The following RNF150 variants were observed in gnomAD, a reference collection of about 807,000 sequenced individuals.
The protein encoded by RNF150 is ring finger protein 150.
A neutral mutation model predicts 39.3 loss-of-function variants in RNF150; 24 were observed. The ratio of observed to expected loss-of-function variants is 0.61; its 90% CI spans 0.44 to 0.86. The LOEUF is 0.86. RNF150 is among the 40% of genes least tolerant of loss of function. The probability of loss-of-function intolerance (pLI) is 0.00; values close to 1 mark genes in which losing one functional copy is unlikely to be tolerated. For missense variants in RNF150, 502 were observed against 587.8 expected (o/e 0.85, Z 1.51); for synonymous variants, 255 against 227.3 (o/e 1.12, Z -1.10).
chr4:140,981,399 A>G (rs1197800558), intron 1 of RNF150, among the ~76,000 whole-genome samples: 1 of 152,176 alleles, frequency 6.6e-6, no homozygotes, highest in African/African-American at 2.4e-5. Flanking sequence ...AACTTTTGGC[A>G]TGAAATAAAA....
chr4:140,906,436 A>G (rs1730377139), intron 6 of RNF150, among the ~76,000 whole-genome samples: 1 of 152,204 alleles, frequency 6.6e-6, no homozygotes. Flanking sequence ...ATATGCAAAT[A>G]TTACACCATT....
chr4:141,026,834 ATG>A (rs1282847147), intron 1 of RNF150, among the ~76,000 whole-genome samples: 5 of 152,188 alleles, frequency 3.3e-5, no homozygotes, highest in African/African-American at 9.6e-5. Context: ...ACACAGGCAA[ATG>A]TCAGACCAGA....
rs1219877863 is a variant in RNF150, at chr4:140,911,353, G to C, written c.989C>G (p.Pro330Arg). ...MNILKALGIP[P>R]NADCMDDLPT... is the part of the protein sequence containing the mutation. ...CAAGTCGTCCATGCAGTCGGCATTGGGCTGATGGGGCAGAAAAAGATCTGT... is the reference window on the plus strand; with the variant it reads ...CAAGTCGTCCATGCAGTCGGCATTGCGCTGATGGGGCAGAAAAAGATCTGT... Residue 330 changes from proline (P) to arginine (R), a missense_variant and splice_region_variant, in exon 6 of 7, where the codon CCC becomes CGC. Physicochemically the swap from Pro to Arg is moderately radical, Grantham distance 103. Transcript: ENST00000515673. The C allele has an allele frequency of 1.2e-6, 2 of 1,613,808 alleles. No homozygotes were observed. The highest frequency in any genetic ancestry group is 3.3e-5 in the Admixed American group (2 of 60,020).
chr4:140,950,353 C>A (rs1732496369), intron 2 of RNF150, among the ~76,000 whole-genome samples: 1 of 152,134 alleles, frequency 6.6e-6, no homozygotes, highest in East Asian at 1.9e-4. Flanking sequence ...AAATAGTGAA[C>A]ACATATTAGT....
At chr4:141,189,943 T>C (rs1356338645) in intron 1 of RNF150, among the ~76,000 whole-genome samples, 1 of 151,946 alleles carries the variant, frequency 6.6e-6, no homozygotes, top group East Asian at 1.9e-4. Flanking sequence ...GCCACTGGGG[T>C]ATGAAAAAAT....
At chr4:141,071,902 C>A (rs974108265) in intron 1 of RNF150, among the ~76,000 whole-genome samples, 4 of 152,060 alleles carry the variant, frequency 2.6e-5, no homozygotes, top group Non-Finnish European at 2.9e-5. Flanking sequence ...ATTTTTTATT[C>A]TTTGTGGGGG....
chr4:140,902,257 C>A (rs1302478930), intron 6 of RNF150, among the ~76,000 whole-genome samples: 1 of 151,994 alleles, frequency 6.6e-6, no homozygotes, highest in African/African-American at 2.4e-5. Flanking sequence ...CTAAGGAGGA[C>A]AATAGCATGG....
intron 6 of RNF150, among the ~76,000 whole-genome samples, chr4:140,882,452 T>A (rs1189274041): frequency 6.6e-6 from 1 of 152,196 alleles, no homozygotes; most frequent in Non-Finnish European, 1.5e-5. Flanking sequence ...ATCCAACTGA[T>A]CTATAGTGTT....
intron 1 of RNF150, among the ~76,000 whole-genome samples, chr4:141,123,757 T>C (rs1354661016): frequency 6.6e-6 from 1 of 152,168 alleles, no homozygotes; most frequent in Non-Finnish European, 1.5e-5. Flanking sequence ...TATGTCCAAG[T>C]GTTCTCATTG....
intron 1 of RNF150, among the ~76,000 whole-genome samples, chr4:141,149,133 G>A (rs1216949096): frequency 6.6e-6 from 1 of 152,094 alleles, no homozygotes; most frequent in Non-Finnish European, 1.5e-5. Flanking sequence ...TCCTTTTGTG[G>A]GGATTTCAAG....
chr4:141,021,442 T>A (rs946342710), intron 1 of RNF150, among the ~76,000 whole-genome samples: 2 of 152,210 alleles, frequency 1.3e-5, no homozygotes, highest in Non-Finnish European at 2.9e-5. Flanking sequence ...TGTTGCTATC[T>A]GCTCACAAAC....
intron 1 of RNF150, among the ~76,000 whole-genome samples, chr4:141,185,012 A>AT (rs33941568): frequency 0.57 from 86,169 of 150,886 alleles, 25,164 homozygotes; most frequent in East Asian, 0.81. Flanking sequence ...ATACAGGCTC[A>AT]TTTTTTTTTG....
chr4:141,082,681 C>T (rs1232934003), intron 1 of RNF150, among the ~76,000 whole-genome samples: 1 of 150,598 alleles, frequency 6.6e-6, no homozygotes, highest in Non-Finnish European at 1.5e-5. Flanking sequence ...CTCCGCCTCC[C>T]AGGTTCACGC....
chr4:141,167,286 A>T (rs866502898), intron 1 of RNF150, among the ~76,000 whole-genome samples: 11 of 139,812 alleles, frequency 7.9e-5, no homozygotes, highest in Middle Eastern at 3.7e-3. Context: ...CTGCTCAAGG[A>T]AATAAGAGAG....
At chr4:140,901,115 G>C (rs1208753209) in intron 6 of RNF150, among the ~76,000 whole-genome samples, 2 of 151,674 alleles carry the variant, frequency 1.3e-5, no homozygotes, top group African/African-American at 4.9e-5. Flanking sequence ...ACGAAAAGCT[G>C]CATTTAAGTC....
chr4:140,880,305 T>C (rs1005684208), intron 6 of RNF150, among the ~76,000 whole-genome samples: 2 of 150,652 alleles, frequency 1.3e-5, no homozygotes, highest in African/African-American at 5.0e-5. Flanking sequence ...CACTGACTGA[T>C]TTTTTTTTGT....
intron 1 of RNF150, among the ~76,000 whole-genome samples, chr4:141,069,270 G>A (rs1446449833): frequency 8.4e-6 from 1 of 118,724 alleles, no homozygotes; most frequent in Non-Finnish European, 1.7e-5. Flanking sequence ...TTAGCATGAA[G>A]GGTTGTTGAA....
At chr4:140,932,807 G>A (rs2111337782) in intron 4 of RNF150, among the ~76,000 whole-genome samples, 1 of 152,354 alleles carries the variant, frequency 6.6e-6, no homozygotes, top group East Asian at 1.9e-4. Context: ...ATTATAAAGA[G>A]AAATGACAGA....
At chr4:140,957,557 C>T (rs1732814745) in intron 2 of RNF150, among the ~76,000 whole-genome samples, 1 of 152,164 alleles carries the variant, frequency 6.6e-6, no homozygotes, top group Admixed American at 6.5e-5. Flanking sequence ...TGGGTATATA[C>T]CCAAAGGACT....
Sources: gnomAD v4.1 joint callset for allele counts (sites outside exome capture counted in the v4.1 genomes callset) on GRCh38, gnomAD v4.1.1 for gene constraint, MANE v1.5 for transcripts, NCBI Gene and HGNC (gene_info 2026-07-23, HGNC 2026-07-21) for gene names.